Variants in MAD1L1 observed in about 807,000 individuals in gnomAD.
MAD1L1 encodes the protein mitotic spindle assembly checkpoint protein MAD1.
In MAD1L1, 95 loss-of-function variants were observed where a neutral mutation model predicts 96.9. That is an observed-to-expected ratio of 0.98 (90% CI 0.83 to 1.16). The LOEUF (loss-of-function observed/expected upper bound fraction) is 1.16, where lower values mean the gene tolerates loss of function less well. Ranked by LOEUF, MAD1L1 falls within the 50% of genes most tolerant of loss-of-function variation. MAD1L1 has a pLI of 0.00. For missense variants in MAD1L1, 1,007 were observed against 954.4 expected (o/e 1.06, Z -0.73); for synonymous variants, 473 against 396.6 (o/e 1.19, Z -2.29).
intron 13 of MAD1L1, among the ~76,000 whole-genome samples, chr7:2,005,658 G>C (rs1308170182): frequency 2.0e-5 from 3 of 152,034 alleles, no homozygotes; most frequent in Non-Finnish European, 4.4e-5. Flanking sequence ...AAAATCAGCT[G>C]GGTGTGGTAG....
At chr7:1,988,037 C>A (rs1338746029) in intron 14 of MAD1L1, among the ~76,000 whole-genome samples, 1 of 152,208 alleles carries the variant, frequency 6.6e-6, no homozygotes, top group Non-Finnish European at 1.5e-5. Context: ...CCTACTCACA[C>A]CCGGGGCAGG....
intron 15 of MAD1L1, among the ~76,000 whole-genome samples, chr7:1,976,567 C>T (rs538029332): frequency 2.5e-4 from 38 of 152,322 alleles, no homozygotes; most frequent in South Asian, 1.5e-3. Flanking sequence ...AGATTTACTG[C>T]GAAGAGTGAA....
chr7:2,232,157 A>C (rs1794225501), intron 1 of MAD1L1, among the ~76,000 whole-genome samples: 1 of 152,212 alleles, frequency 6.6e-6, no homozygotes, highest in Non-Finnish European at 1.5e-5. Context: ...CCCACCAGCC[A>C]CAACTAGGGA....
intron 17 of MAD1L1, among the ~76,000 whole-genome samples, chr7:1,917,209 C>T (rs542127532): frequency 2.6e-5 from 4 of 152,300 alleles, no homozygotes; most frequent in East Asian, 1.9e-4. Flanking sequence ...TGGGGTCCAG[C>T]GAGGGAGCCG....
In MAD1L1 at chr7:2,145,460, C is replaced by T. The variant is rs560642950; in HGVS notation, c.1073+3692G>A. On this transcript the variant is annotated intron_variant, in intron 11 of 18. Transcript: ENST00000265854. ...TCCTAAGAGCGCAGAAACATTCAGACAGAAACTTCAGTCCAGCTCACAGCA... is the reference window on the plus strand; with the variant it reads ...TCCTAAGAGCGCAGAAACATTCAGATAGAAACTTCAGTCCAGCTCACAGCA... 2.0e-5 allele frequency among the ~76,000 whole-genome samples: 3 copies of T among 152,366 alleles called. No individual in the cohort carries two copies. In the South Asian group the frequency reaches 6.2e-4, roughly 32 times the overall value.
At chr7:1,894,000 T>C (rs1250790089) in intron 18 of MAD1L1, among the ~76,000 whole-genome samples, 1 of 152,160 alleles carries the variant, frequency 6.6e-6, no homozygotes, top group East Asian at 1.9e-4. Flanking sequence ...CTGAAACCTG[T>C]TTTTCTGTCT....
In MAD1L1 at chr7:1,980,488, G is replaced by T; in HGVS notation, c.1470C>A (p.Ser490Arg). 6.3e-7 allele frequency: 1 copy of T among 1,598,620 alleles called. No homozygotes were observed. The highest frequency in any genetic ancestry group is 1.1e-5 in the South Asian group (1 of 90,498). Reference sequence around the variant, plus strand: ...CCGCCTCCTCCCTGGAGAACAGGAAGCTCTGTTCGGCAGAGCTGGACTGAG... The same window carrying T: ...CCGCCTCCTCCCTGGAGAACAGGAATCTCTGTTCGGCAGAGCTGGACTGAG... The part of the protein sequence containing the change: ...LKSQSSSAEQ[S>R]FLFSREEADT... Residue 490 changes from serine (S) to arginine (R), a missense_variant, in exon 15 of 19, where the codon AGC becomes AGA. Ser to Arg is a moderately radical substitution (Grantham distance 110). Transcript: ENST00000265854.
At chr7:2,067,679 C>T (rs1784943217) in intron 12 of MAD1L1, among the ~76,000 whole-genome samples, 1 of 152,280 alleles carries the variant, frequency 6.6e-6, no homozygotes, top group South Asian at 2.1e-4. Flanking sequence ...CCGCTGTCTC[C>T]TCCCGCTCCA....
intron 10 of MAD1L1, among the ~76,000 whole-genome samples, chr7:2,206,029 G>A (rs1273152672): frequency 6.6e-6 from 1 of 152,156 alleles, no homozygotes; most frequent in African/African-American, 2.4e-5. Context: ...CTACTCAGGA[G>A]GCTGAGGCTG....
At chr7:1,850,232 G>T (rs1002986863) in intron 18 of MAD1L1, among the ~76,000 whole-genome samples, 3 of 152,156 alleles carry the variant, frequency 2.0e-5, no homozygotes, top group Non-Finnish European at 4.4e-5. Context: ...GGACGGAACC[G>T]ACAGGCGCCC....
At chr7:2,163,620 G>T (rs1407821407) in intron 10 of MAD1L1, among the ~76,000 whole-genome samples, 1 of 152,116 alleles carries the variant, frequency 6.6e-6, no homozygotes, top group Admixed American at 6.5e-5. Flanking sequence ...TGATCCGCCC[G>T]CCTTGGCCTC....
At chr7:2,131,808 C>T (rs987480429) in intron 11 of MAD1L1, among the ~76,000 whole-genome samples, 4 of 152,054 alleles carry the variant, frequency 2.6e-5, no homozygotes, top group South Asian at 2.1e-4. Context: ...CAGGATGTGA[C>T]AGCCATCGCA....
Position 2,215,919 on chromosome 7 carries a change from T to G in MAD1L1, c.890A>C (p.Gln297Pro). The change falls in exon 9 of 19, where the codon CAG becomes CCG. Residue 297 changes from glutamine to proline, a missense_variant. Transcript: ENST00000265854. ...CAGCTCCAAGCCAACCAGCGTCTCCTGCATCTTCTCCTGGCGCCCCAGCTT... is the reference window on the plus strand; with the variant it reads ...CAGCTCCAAGCCAACCAGCGTCTCCGGCATCTTCTCCTGGCGCCCCAGCTT... ...QRKLGRQEKM[Q>P]ETLVGLELEN... 6.2e-7 allele frequency: 1 copy of G among 1,614,176 alleles called. No individual in the cohort carries two copies. Among genetic ancestry groups the G allele is most frequent in the Non-Finnish European group, 8.5e-7 (1 of 1,180,012 alleles).
intron 15 of MAD1L1, among the ~76,000 whole-genome samples, chr7:1,971,033 T>TCAAC (rs1562571866): frequency 2.0e-5 from 3 of 152,170 alleles, no homozygotes; most frequent in Non-Finnish European, 2.9e-5. Flanking sequence ...AATTCAGTAG[T>TCAAC]GTGGAGATGC....
At chr7:2,162,480 A>G (rs1378345436) in intron 10 of MAD1L1, among the ~76,000 whole-genome samples, 1 of 152,096 alleles carries the variant, frequency 6.6e-6, no homozygotes, top group African/African-American at 2.4e-5. Flanking sequence ...TGCCTAGGAA[A>G]ACCAGAGACC....
At chr7:2,047,240 G>A (rs965649737) in intron 12 of MAD1L1, among the ~76,000 whole-genome samples, 12 of 152,160 alleles carry the variant, frequency 7.9e-5, no homozygotes, top group African/African-American at 2.7e-4. Context: ...CTGAGACACC[G>A]CTTGCTCTGA....
intron 18 of MAD1L1, among the ~76,000 whole-genome samples, chr7:1,891,229 A>G (rs1408122024): frequency 6.6e-6 from 1 of 152,228 alleles, no homozygotes; most frequent in African/African-American, 2.4e-5. Flanking sequence ...GTGTTATACA[A>G]AACAAATTTT....
chr7:2,197,089 C>T (rs971415089), intron 10 of MAD1L1, among the ~76,000 whole-genome samples: 5 of 152,240 alleles, frequency 3.3e-5, no homozygotes, highest in African/African-American at 1.2e-4. Flanking sequence ...TCCAAACCAC[C>T]CTCAGGACAG....
At chr7:2,181,965 G>A (rs1466065499) in intron 10 of MAD1L1, among the ~76,000 whole-genome samples, 1 of 152,114 alleles carries the variant, frequency 6.6e-6, no homozygotes, top group Non-Finnish European at 1.5e-5. Context: ...TCACTTATAA[G>A]TGGAAGCTAA....
Sources: allele counts gnomAD v4.1 joint callset (sites outside exome capture counted in the v4.1 genomes callset), GRCh38; gene constraint gnomAD v4.1.1; transcripts MANE v1.5; gene names NCBI Gene and HGNC (gene_info 2026-07-23, HGNC 2026-07-21).